VPS13B: variants seen among roughly 807,000 people sequenced by gnomAD.
VPS13B encodes vacuolar protein sorting 13 homolog B, also known as intermembrane lipid transfer protein VPS13B.
A neutral mutation model predicts 426.4 loss-of-function variants in VPS13B; 285 were observed. The ratio of observed to expected loss-of-function variants is 0.67; its 90% CI spans 0.61 to 0.74. VPS13B has a LOEUF of 0.74. Among genes scored for constraint, VPS13B ranks in the 30% least tolerant of loss-of-function variants. VPS13B has a pLI of 0.00. For synonymous variants in VPS13B, 1,676 were observed against 1,676.4 expected, an observed-to-expected ratio of 1.00 and a Z score of 0.01; for missense variants, 4,537 against 4,782.6, an observed-to-expected ratio of 0.95 and a Z score of 1.51.
At chr8:99,454,162 T>A (rs1441775682) in intron 23 of VPS13B, among the ~76,000 whole-genome samples, 1 of 152,198 alleles carries the variant, frequency 6.6e-6, no homozygotes, top group Non-Finnish European at 1.5e-5. Context: ...CATTTTTGCT[T>A]CTTCCATGTC....
At chr8:99,751,250 C>T (rs1330804851) in intron 39 of VPS13B, among the ~76,000 whole-genome samples, 1 of 152,078 alleles carries the variant, frequency 6.6e-6, no homozygotes, top group African/African-American at 2.4e-5. Context: ...TTTTGATCAG[C>T]ACCTCCATCA....
intron 39 of VPS13B, among the ~76,000 whole-genome samples, chr8:99,723,918 C>A (rs1240224464): frequency 6.6e-6 from 1 of 152,148 alleles, no homozygotes; most frequent in African/African-American, 2.4e-5. Flanking sequence ...CACTCAGAAT[C>A]TACAACTTGG....
intron 40 of VPS13B, among the ~76,000 whole-genome samples, chr8:99,770,731 A>G (rs1052394088): frequency 6.6e-6 from 1 of 152,170 alleles, no homozygotes; most frequent in Non-Finnish European, 1.5e-5. Context: ...CCTTGTGGGT[A>G]CCTCCCACTG....
At chr8:99,799,984 C>T (rs1234440819) in intron 43 of VPS13B, among the ~76,000 whole-genome samples, 1 of 152,106 alleles carries the variant, frequency 6.6e-6, no homozygotes. Context: ...TATTCATCAT[C>T]ATTTCCTTCT....
At chr8:99,873,521 T>C (rs967072377) in intron 61 of VPS13B, among the ~76,000 whole-genome samples, 2 of 152,220 alleles carry the variant, frequency 1.3e-5, no homozygotes, top group African/African-American at 4.8e-5. Flanking sequence ...GCAGGAGCAC[T>C]GTGCCTGCAC....
intron 21 of VPS13B, among the ~76,000 whole-genome samples, chr8:99,425,686 G>T (rs1283923812): frequency 4.6e-5 from 7 of 151,878 alleles, no homozygotes; most frequent in African/African-American, 1.7e-4. Context: ...CACCACTCCT[G>T]TTCAACATAG....
At chr8:99,828,394 G>GTTTTTTTTTTTTTTTT (rs555108452) in intron 51 of VPS13B, among the ~76,000 whole-genome samples, 339 of 17,444 alleles carry the variant, frequency 0.019, 132 homozygotes, top group Middle Eastern at 0.028. Context: ...TACAACCACC[G>GTTTTTTTTTTTTTTTT]TTTTTTTTTT....
intron 21 of VPS13B, among the ~76,000 whole-genome samples, chr8:99,398,584 G>C (rs1814865266): frequency 6.6e-6 from 1 of 152,162 alleles, no homozygotes; most frequent in East Asian, 1.9e-4. Context: ...TAGCAATAGA[G>C]ATGTAAAGAG....
chr8:99,164,735 T>G (rs1811893461), intron 15 of VPS13B, among the ~76,000 whole-genome samples: 1 of 152,184 alleles, frequency 6.6e-6, no homozygotes, highest in Admixed American at 6.5e-5. Flanking sequence ...CTTCTCTTTT[T>G]AACTCTCTCT....
chr8:99,728,997 C>A (rs910414130), intron 39 of VPS13B, among the ~76,000 whole-genome samples: 3 of 152,048 alleles, frequency 2.0e-5, no homozygotes, highest in Admixed American at 6.6e-5. Context: ...TCTTAGGCCA[C>A]CCAGTACTTT....
At chr8:99,140,222 G>A (rs980930788) in intron 12 of VPS13B, among the ~76,000 whole-genome samples, 8 of 151,752 alleles carry the variant, frequency 5.3e-5, no homozygotes, top group South Asian at 2.1e-4. Context: ...AAAATTAGCC[G>A]GGGGTGGTGG....
intron 27 of VPS13B, among the ~76,000 whole-genome samples, chr8:99,505,164 G>C (rs1267836269): frequency 6.6e-6 from 1 of 152,172 alleles, no homozygotes; most frequent in African/African-American, 2.4e-5. Context: ...TGTCTGGTTT[G>C]ATCCTCTACC....
At chr8:99,122,733 T>C (rs1848006285) in intron 8 of VPS13B, among the ~76,000 whole-genome samples, 1 of 152,214 alleles carries the variant, frequency 6.6e-6, no homozygotes, top group Admixed American at 6.5e-5. Flanking sequence ...TGAACAGATA[T>C]AAATTCCTGC....
At chr8:99,070,706 C>T (rs1205800365) in intron 3 of VPS13B, among the ~76,000 whole-genome samples, 1 of 152,036 alleles carries the variant, frequency 6.6e-6, no homozygotes, top group African/African-American at 2.4e-5. Context: ...ATTCTGCATA[C>T]TGTATTTATT....
intron 30 of VPS13B, among the ~76,000 whole-genome samples, chr8:99,540,016 TATATATATATATA>T (rs1823481142): frequency 1.8e-3 from 2 of 1,112 alleles, no homozygotes; most frequent in Non-Finnish European, 3.9e-3. Context: ...AAATAAATTA[TATATATATATATA>T]TATATATATA....
At position 99,062,695 on chromosome 8, in the gene VPS13B, C is replaced by T. The variant is rs183339237; in HGVS notation, c.291+24129C>T. ...GTTGGTCAGGCTGGTCTCGAACTTT[C>T]GACCTCAGATGATCCACCCGCCTTG... On this transcript the variant is annotated intron_variant, in intron 3 of 61. Transcript: ENST00000357162. Among the ~76,000 whole-genome samples, 4 of 152,198 alleles carry T rather than the reference C, an allele frequency of 2.6e-5. No individual in the cohort carries two copies. In the East Asian group the frequency reaches 5.8e-4, roughly 22 times the overall value.
intron 56 of VPS13B, among the ~76,000 whole-genome samples, chr8:99,857,257 G>A (rs1191448051): frequency 1.3e-5 from 2 of 152,150 alleles, no homozygotes; most frequent in African/African-American, 4.8e-5. Context: ...AGGCCGAGGC[G>A]GATTCCCACT....
At chr8:99,533,991 T>C (rs940533125) in intron 30 of VPS13B, among the ~76,000 whole-genome samples, 6 of 152,210 alleles carry the variant, frequency 3.9e-5, no homozygotes, top group African/African-American at 9.6e-5. Context: ...TTGGCAAAGG[T>C]ATGTTTCGTA....
At chr8:99,153,472 C>A (rs1006150006) in intron 14 of VPS13B, among the ~76,000 whole-genome samples, 3 of 151,896 alleles carry the variant, frequency 2.0e-5, no homozygotes, top group Non-Finnish European at 4.4e-5. Context: ...ACCTGTTATA[C>A]TTCTTTTTAG....
Sources: gnomAD v4.1 joint callset for allele counts (sites outside exome capture counted in the v4.1 genomes callset) on GRCh38, gnomAD v4.1.1 for gene constraint, MANE v1.5 for transcripts, NCBI Gene and HGNC (gene_info 2026-07-23, HGNC 2026-07-21) for gene names.